GRIK1: variants seen among roughly 807,000 people sequenced by gnomAD.
The protein encoded by GRIK1 is glutamate ionotropic receptor kainate type subunit 1.
GRIK1 carries 69 observed loss-of-function variants against 105.7 expected under a neutral mutation model. That is an observed-to-expected ratio of 0.65 (90% CI 0.54 to 0.80). The LOEUF is 0.80. GRIK1 is among the 30% of genes least tolerant of loss of function. The pLI is 0.00. For synonymous variants in GRIK1, 438 were observed against 431.3 expected (o/e 1.02, Z -0.19); for missense variants, 1,109 against 1,167.3 (o/e 0.95, Z 0.73).
At chr21:29,582,748 T>C (rs548365729) in intron 12 of GRIK1, among the ~76,000 whole-genome samples, 5 of 152,222 alleles carry the variant, frequency 3.3e-5, no homozygotes, top group African/African-American at 1.2e-4. Flanking sequence ...AATGCAGTAA[T>C]TTTTAGCACT....
intron 1 of GRIK1, among the ~76,000 whole-genome samples, chr21:29,700,781 T>G (rs3787671): frequency 0.28 from 42,323 of 151,902 alleles, 9,674 homozygotes; most frequent in African/African-American, 0.62. Context: ...GTCTCTAGAT[T>G]AAGCCTGTGC....
At chr21:29,557,459 T>C (rs2090285370) in intron 15 of GRIK1, among the ~76,000 whole-genome samples, 1 of 152,220 alleles carries the variant, frequency 6.6e-6, no homozygotes. Flanking sequence ...TACTTTTCAG[T>C]GTTGTTTTCA....
intron 1 of GRIK1, among the ~76,000 whole-genome samples, chr21:29,802,354 A>G (rs908616917): frequency 2.0e-5 from 3 of 151,648 alleles, no homozygotes; most frequent in Admixed American, 1.3e-4. Flanking sequence ...GTTACTTTTG[A>G]CTCTTGACAA....
chr21:29,557,527 G>T (rs1216809501), intron 15 of GRIK1, among the ~76,000 whole-genome samples: 1 of 152,118 alleles, frequency 6.6e-6, no homozygotes, highest in Non-Finnish European at 1.5e-5. Context: ...CCTATGGCAT[G>T]GTTAAGTTAG....
chr21:29,539,407 A>G lies in GRIK1; in HGVS notation c.2608-1523T>C, dbSNP rs1052863980. Among the ~76,000 whole-genome samples the G allele has an allele frequency of 2.4e-4, 36 of 152,318 alleles. 1 individual carries two copies. Among genetic ancestry groups the G allele is most frequent in the African/African-American group, 8.4e-4 (35 of 41,580 alleles). ...TTTATAATACAGTGTTGACTCTGTC[A>G]TATAATTTGTTTATTGAATACCGTG... is the stretch of plus-strand genomic sequence containing the variant. On this transcript the variant is annotated intron_variant, in intron 16 of 17. Coordinates refer to ENST00000327783, the MANE Select transcript of GRIK1 (RefSeq NM_001330994.2).
intron 1 of GRIK1, among the ~76,000 whole-genome samples, chr21:29,886,313 C>T (rs898134935): frequency 1.3e-5 from 2 of 152,050 alleles, no homozygotes; most frequent in African/African-American, 4.8e-5. Context: ...CTCCTTTCAC[C>T]TCTTTTTCAG....
At chr21:29,878,920 G>A (rs147415129) in intron 1 of GRIK1, among the ~76,000 whole-genome samples, 7 of 151,660 alleles carry the variant, frequency 4.6e-5, no homozygotes, top group East Asian at 3.9e-4. Flanking sequence ...ATTTGCCAGC[G>A]CCTTGATCTT....
At chr21:29,566,473 G>A (rs2090612893) in intron 14 of GRIK1, among the ~76,000 whole-genome samples, 1 of 152,182 alleles carries the variant, frequency 6.6e-6, no homozygotes, top group South Asian at 2.1e-4. Context: ...TCATGCTGAT[G>A]AAACATTGTT....
chr21:29,926,680 T>C (rs1352185639), intron 1 of GRIK1, among the ~76,000 whole-genome samples: 1 of 151,944 alleles, frequency 6.6e-6, no homozygotes, highest in East Asian at 1.9e-4. Flanking sequence ...CACATATATA[T>C]TTAAGTCTAT....
intron 7 of GRIK1, among the ~76,000 whole-genome samples, chr21:29,613,606 C>G (rs1246593032): frequency 6.6e-6 from 1 of 152,156 alleles, no homozygotes; most frequent in African/African-American, 2.4e-5. Context: ...ATCTATCTAT[C>G]TATCCATCCA....
At chr21:29,694,376 G>A (rs1381840390) in intron 1 of GRIK1, among the ~76,000 whole-genome samples, 2 of 151,878 alleles carry the variant, frequency 1.3e-5, no homozygotes, top group African/African-American at 2.4e-5. Flanking sequence ...CACCCGCCTC[G>A]ACCTCCCAAA....
At chr21:29,645,265 T>A (rs1354423710) in intron 6 of GRIK1, among the ~76,000 whole-genome samples, 2 of 151,934 alleles carry the variant, frequency 1.3e-5, no homozygotes, top group Non-Finnish European at 2.9e-5. Context: ...AGAGTGAGAA[T>A]TCTAATTCGT....
chr21:29,554,494 A>G (rs1568803697), intron 16 of GRIK1, among the ~76,000 whole-genome samples: 2 of 152,302 alleles, frequency 1.3e-5, no homozygotes, highest in East Asian at 3.9e-4. Flanking sequence ...AAAGTCTCAT[A>G]TACATTGCAT....
At chr21:29,888,704 G>A (rs1267853887) in intron 1 of GRIK1, among the ~76,000 whole-genome samples, 1 of 152,182 alleles carries the variant, frequency 6.6e-6, no homozygotes, top group Non-Finnish European at 1.5e-5. Context: ...CTGATGTGCA[G>A]CATTGCAACA....
chr21:29,802,844 C>T (rs1202280272), intron 1 of GRIK1, among the ~76,000 whole-genome samples: 3 of 152,102 alleles, frequency 2.0e-5, no homozygotes, highest in African/African-American at 4.8e-5. Context: ...AGAATTTGAT[C>T]CCGGATCTTC....
chr21:29,877,834 T>C (rs1321212188), intron 1 of GRIK1, among the ~76,000 whole-genome samples: 1 of 152,184 alleles, frequency 6.6e-6, no homozygotes, highest in Non-Finnish European at 1.5e-5. Context: ...TTTGTGTATG[T>C]GGGAGACAGA....
intron 7 of GRIK1, among the ~76,000 whole-genome samples, chr21:29,602,994 C>T (rs2061546076): frequency 1.3e-5 from 2 of 152,066 alleles, no homozygotes; most frequent in African/African-American, 4.8e-5. Flanking sequence ...TATTCATATG[C>T]CCAAATATGA....
intron 5 of GRIK1, among the ~76,000 whole-genome samples, chr21:29,651,862 A>G (rs1208665268): frequency 1.3e-5 from 2 of 152,000 alleles, no homozygotes; most frequent in Non-Finnish European, 2.9e-5. Flanking sequence ...GAGCTGCTAT[A>G]GATTAAAACA....
At chr21:29,670,280 A>G (rs761650679) in intron 4 of GRIK1, among the ~76,000 whole-genome samples, 1 of 152,230 alleles carries the variant, frequency 6.6e-6, no homozygotes, top group African/African-American at 2.4e-5. Context: ...CCAAAACATG[A>G]TAAGAGAGAG....
Sources: allele counts gnomAD v4.1 joint callset (sites outside exome capture counted in the v4.1 genomes callset), GRCh38; gene constraint gnomAD v4.1.1; transcripts MANE v1.5; gene names NCBI Gene and HGNC (gene_info 2026-07-23, HGNC 2026-07-21).